The following CES1 variants were observed in gnomAD, a reference collection of about 807,000 sequenced individuals.
CES1 encodes carboxylesterase 1, also known as liver carboxylesterase 1.
CES1 carries 50 observed loss-of-function variants against 53.0 expected under a neutral mutation model. The ratio of observed to expected loss-of-function variants is 0.94; its 90% CI spans 0.75 to 1.19. CES1 has a LOEUF of 1.19. Among genes scored for constraint, CES1 ranks in the 50% most tolerant of loss-of-function variants. The pLI is 0.00. For synonymous variants in CES1, 202 were observed against 210.1 expected, an observed-to-expected ratio of 0.96 and a Z score of 0.33; for missense variants, 534 against 538.0, an observed-to-expected ratio of 0.99 and a Z score of 0.07.
intron 2 of CES1, chr16:55,828,318 C>T (rs1217205445): frequency 3.1e-6 from 1 of 320,892 alleles, no homozygotes; most frequent in Non-Finnish European, 6.1e-6. Flanking sequence ...CACACACCTC[C>T]TGGCCCACTC....
At chr16:55,829,017 C>A in intron 1 of CES1, 43 bp from the exon 2 acceptor site, 1 of 1,561,638 alleles carries the variant, frequency 6.4e-7, no homozygotes, top group Non-Finnish European at 8.7e-7. Context: ...AGGCAAAAGG[C>A]TGGACCCAGA....
At chr16:55,808,895 T>C (rs1165986688) in intron 11 of CES1, among the ~76,000 whole-genome samples, 6 of 152,142 alleles carry the variant, frequency 3.9e-5, no homozygotes, top group Non-Finnish European at 7.4e-5. Context: ...GGAAAATCTT[T>C]AGACGAAAAC....
In CES1 at chr16:55,822,692, A is replaced by G. The variant is rs1245487482; in HGVS notation, c.539+858T>C. ...TCCCTGGGATCACTGGGAATTAGTA[A>G]GGAGGGAGAGGGAGACAAGAGAGGC... On this transcript the variant is annotated intron_variant, in intron 4 of 13. Coordinates refer to ENST00000360526, the MANE Select transcript of CES1 (RefSeq NM_001025195.2). 7.2e-5 allele frequency among the ~76,000 whole-genome samples: 11 copies of G among 152,140 alleles called. No homozygotes were observed. The South Asian group carries it at 1.0e-3, about 14-fold the overall frequency.
intron 2 of CES1, chr16:55,827,808 CA>C (rs1378887273): frequency 1.2e-4 from 18 of 152,092 alleles, no homozygotes; most frequent in Admixed American, 2.0e-4. Flanking sequence ...CTCAATATAG[CA>C]TTCCCTTTTA....
Position 55,819,561 on chromosome 16 carries a change from C to A in CES1, c.880G>T (p.Glu294Ter). 6.2e-7 allele frequency: 1 copy of A among 1,614,066 alleles called. No individual in the cohort carries two copies. Among genetic ancestry groups the A allele is most frequent in the Non-Finnish European group, 8.5e-7 (1 of 1,179,962 alleles). ...ATTTTCAATGTCGTCTCCAAGAGCT[C>A]CTCTTCCGTCTTCTGTCGCAGGCAG... Reference protein sequence around the residue: ...VHCLRQKTEEELLETTLKMKF... With the variant: ...VHCLRQKTEE The change falls in exon 7 of 14, where the codon GAG becomes TAG. Residue 294 changes from glutamate (E) to a stop codon, truncating the protein, a stop_gained. Coordinates refer to ENST00000360526, the MANE Select transcript of CES1 (RefSeq NM_001025195.2). LOFTEE classifies it high-confidence loss of function.
At chr16:55,825,215 T>G (rs1206446778) in intron 3 of CES1, among the ~76,000 whole-genome samples, 1 of 151,730 alleles carries the variant, frequency 6.6e-6, no homozygotes, top group East Asian at 1.9e-4. Context: ...AATGAATGAG[T>G]AAACCTTTCT....
At chr16:55,813,978 T>A (rs1222681377) in intron 8 of CES1, among the ~76,000 whole-genome samples, 2 of 152,224 alleles carry the variant, frequency 1.3e-5, no homozygotes, top group African/African-American at 2.4e-5. Flanking sequence ...TGTGTGACCA[T>A]GAAAGTGCCA....
At position 55,826,011 on chromosome 16, in the gene CES1, T is replaced by C. The variant is rs1407692948; in HGVS notation, c.405+140A>G. 32 of 1,077,414 alleles carry C rather than the reference T, an allele frequency of 3.0e-5. No individual in the cohort carries two copies. The African/African-American group carries it at 3.2e-4, about 11-fold the overall frequency. The allele number at this position is 1,077,414 out of a possible 1,614,324, so 66.7% of individuals were successfully genotyped here. A position where few individuals can be genotyped will look rare whatever the true frequency, so the allele number is the denominator to read the frequency against. ...TGATGTGTGGAAAACCAGTGTTTCCTGTGGAGGCCCTGGGGTCTCTGAAAC... is the reference window on the plus strand; with the variant it reads ...TGATGTGTGGAAAACCAGTGTTTCCCGTGGAGGCCCTGGGGTCTCTGAAAC... On this transcript the variant is annotated intron_variant, in intron 3 of 13. Transcript: ENST00000360526.
At chr16:55,812,863 G>A in intron 9 of CES1, 40 bp downstream of exon 9, 1 of 1,612,882 alleles carries the variant, frequency 6.2e-7, no homozygotes, top group East Asian at 2.2e-5. Context: ...AGGGCTGATG[G>A]GGGTGGTTGA....
intron 8 of CES1, among the ~76,000 whole-genome samples, chr16:55,814,306 A>G (rs8192946): frequency 0.66 from 100,357 of 151,288 alleles, 34,475 homozygotes; most frequent in Non-Finnish European, 0.76. Context: ...GAGAGAGCCC[A>G]ACTCATGTGT....
intron 2 of CES1, among the ~76,000 whole-genome samples, chr16:55,827,537 T>C (rs2032467410): frequency 6.6e-6 from 1 of 152,064 alleles, no homozygotes; most frequent in Admixed American, 6.5e-5. Flanking sequence ...ACAAGAAATA[T>C]ATACTCTTTG....
In CES1 at chr16:55,813,130, A is replaced by T; in HGVS notation, c.946-87T>A. 5.1e-6 allele frequency: 8 copies of T among 1,561,836 alleles called. No individual in the cohort carries two copies. The South Asian group carries it at 8.9e-5, about 17-fold the overall frequency. ...CTGCCTGTCTGAGGGTGAGACCAGT[A>T]CCATAGACCGGCATGGCCATGCGCC... On this transcript the variant is annotated intron_variant, in intron 8 of 13. Transcript: ENST00000360526.
intron 5 of CES1, 137 bp downstream of exon 5, chr16:55,821,231 G>T: frequency 8.6e-7 from 1 of 1,157,914 alleles, no homozygotes; most frequent in Non-Finnish European, 1.3e-6. Flanking sequence ...ACCCCCTGAT[G>T]CTGGGCTGTG....
At chr16:55,819,413 C>T in intron 7 of CES1, 122 bp downstream of exon 7, 8 of 780,356 alleles carry the variant, frequency 1.0e-5, no homozygotes, top group Middle Eastern at 3.4e-4. Flanking sequence ...TCAGATTCCC[C>T]ATTCAGATAC....
intron 8 of CES1, among the ~76,000 whole-genome samples, chr16:55,814,057 A>T (rs201016247): frequency 2.7e-5 from 4 of 149,556 alleles, no homozygotes; most frequent in African/African-American, 4.9e-5. Context: ...AGAATCCATG[A>T]TTAATGAGGA....
chr16:55,819,693 T>G (rs2032094289), intron 6 of CES1, 54 bp from the exon 7 acceptor site: 1 of 1,450,058 alleles, frequency 6.9e-7, no homozygotes, highest in East Asian at 2.2e-5. Flanking sequence ...CTTCCCTCCA[T>G]CAAAGAGGAA....
intron 1 of CES1, among the ~76,000 whole-genome samples, chr16:55,830,785 G>GGAAGGAAGGAAGGAAGGAAGGAAGGAAA (rs2032615816): frequency 1.4e-5 from 2 of 140,198 alleles, no homozygotes; most frequent in Non-Finnish European, 3.1e-5. Context: ...AAGGAAGGAA[G>GGAAGGAAGGAAGGAAGGAAGGAAGGAAA]GAAGGAAGGA....
intron 10 of CES1, 79 bp from the exon 11 acceptor site, chr16:55,810,743 A>G (rs1270379595): frequency 3.9e-6 from 6 of 1,551,746 alleles, no homozygotes; most frequent in Admixed American, 3.3e-5. Flanking sequence ...TCCTGCCTCA[A>G]TGGTGAACCC....
At chr16:55,813,151 G>A in intron 8 of CES1, 108 bp from the exon 9 acceptor site, 3 of 1,442,882 alleles carry the variant, frequency 2.1e-6, no homozygotes, top group Non-Finnish European at 2.9e-6. Flanking sequence ...GCATGGCCAT[G>A]CGCCATGGCT....
Sources: gnomAD v4.1 joint callset for allele counts (sites outside exome capture counted in the v4.1 genomes callset) on GRCh38, gnomAD v4.1.1 for gene constraint, MANE v1.5 for transcripts, NCBI Gene and HGNC (gene_info 2026-07-23, HGNC 2026-07-21) for gene names.